The following VGLL4 variants were observed in gnomAD, a reference collection of about 807,000 sequenced individuals.
VGLL4 encodes the protein vestigial like family member 4.
Under a neutral mutation model 21.0 loss-of-function variants are expected in VGLL4, and 7 were observed. That is an observed-to-expected ratio of 0.33 (90% confidence interval 0.19 to 0.63). VGLL4 has a LOEUF of 0.63. VGLL4 is among the 20% of genes least tolerant of loss of function. The probability of loss-of-function intolerance (pLI) is 0.78; values close to 1 mark genes in which losing one functional copy is unlikely to be tolerated. For missense variants in VGLL4, 394 were observed against 425.7 expected (o/e 0.93, Z 0.66); for synonymous variants, 222 against 173.2 (o/e 1.28, Z -2.21).
intron 2 of VGLL4, among the ~76,000 whole-genome samples, chr3:11,649,047 T>G (rs1338480535): frequency 6.6e-6 from 1 of 152,192 alleles, no homozygotes; most frequent in African/African-American, 2.4e-5. Flanking sequence ...GAAAATAAGA[T>G]TTGAAGAGTT....
intron 2 of VGLL4, among the ~76,000 whole-genome samples, chr3:11,654,834 A>C (rs1328481231): frequency 6.6e-6 from 1 of 152,232 alleles, no homozygotes; most frequent in African/African-American, 2.4e-5. Context: ...CAGGTGGTTT[A>C]GATTTTATTT....
intron 2 of VGLL4, among the ~76,000 whole-genome samples, chr3:11,674,161 G>C (rs879326637): frequency 3.9e-5 from 6 of 151,910 alleles, no homozygotes; most frequent in Non-Finnish European, 7.4e-5. Flanking sequence ...TCAATCCAAT[G>C]AGAATGGAGA....
chr3:11,619,171 C>G (rs1384529962), intron 1 of VGLL4, among the ~76,000 whole-genome samples: 9 of 152,210 alleles, frequency 5.9e-5, no homozygotes, highest in Admixed American at 4.6e-4. Flanking sequence ...GCTTGCCCTG[C>G]ACTTCAAAGG....
chr3:11,558,776 C>T lies in VGLL4; in HGVS notation c.671G>A (p.Gly224Asp), dbSNP rs1215813705. ...CGGCTCGGGCTCCTTGTAATTCTTG[C>T]CCAGGCTCCTGCGGAAATGCTCCTC... The part of the protein sequence containing the change: ...VVEEHFRRSL[G>D]KNYKEPEPAP... The change falls in exon 5 of 5, where the codon GGC (glycine) becomes GAC (aspartate). Residue 224 changes from glycine (G) to aspartate (D), a missense_variant. By Grantham distance (94) the Gly-to-Asp change is moderately conservative. Transcript: ENST00000430365. 3.7e-6 allele frequency: 6 copies of T among 1,614,006 alleles called. No individual in the cohort carries two copies. The highest frequency in any genetic ancestry group is 5.1e-6 in the Non-Finnish European group (6 of 1,179,994).
At chr3:11,711,450 G>T (rs2125413481) in intron 1 of VGLL4, among the ~76,000 whole-genome samples, 1 of 152,126 alleles carries the variant, frequency 6.6e-6, no homozygotes, top group Non-Finnish European at 1.5e-5. Flanking sequence ...TGTGGTCCCA[G>T]CTACTCGGGA....
intron 2 of VGLL4, among the ~76,000 whole-genome samples, chr3:11,595,446 G>C (rs1412534793): frequency 2.0e-5 from 3 of 152,152 alleles, no homozygotes; most frequent in Non-Finnish European, 4.4e-5. Context: ...CAGGGATCTA[G>C]AACTAGAAAT....
chr3:11,645,189 G>GAA (rs34717985), upstream of VGLL4, among the ~76,000 whole-genome samples: 3 of 54,764 alleles, frequency 5.5e-5, no homozygotes, highest in South Asian at 1.4e-3. Flanking sequence ...TAACAAAATA[G>GAA]AAAAAAAAAA....
chr3:11,713,135 T>C (rs62245824), intron 1 of VGLL4, among the ~76,000 whole-genome samples: 11,788 of 152,190 alleles, frequency 0.077, 553 homozygotes, highest in South Asian at 0.17. Context: ...TTCACCATGC[T>C]CAGGAAGACC....
intron 2 of VGLL4, among the ~76,000 whole-genome samples, chr3:11,678,894 A>G (rs1349749143): frequency 6.6e-6 from 1 of 152,192 alleles, no homozygotes; most frequent in African/African-American, 2.4e-5. Flanking sequence ...TAAGGCTATA[A>G]AGAGCTAAAA....
intron 1 of VGLL4, chr3:11,626,465 G>A: frequency 4.4e-6 from 2 of 453,420 alleles, no homozygotes; most frequent in South Asian, 3.1e-5. Flanking sequence ...AGTTGTTTTG[G>A]TTTTTTCTCA....
At chr3:11,651,058 G>T (rs528276713) in intron 2 of VGLL4, among the ~76,000 whole-genome samples, 19 of 152,084 alleles carry the variant, frequency 1.2e-4, no homozygotes, top group Non-Finnish European at 2.5e-4. Flanking sequence ...ATAGAAAAGG[G>T]TTTAAGGGAC....
chr3:11,702,851 A>C, intron 2 of VGLL4: 1 of 909,170 alleles, frequency 1.1e-6, no homozygotes, highest in Non-Finnish European at 1.5e-6. Context: ...AAGGAAAACC[A>C]CCAAAATTAA....
At chr3:11,589,284 G>A (rs1264826546) in intron 2 of VGLL4, among the ~76,000 whole-genome samples, 1 of 152,136 alleles carries the variant, frequency 6.6e-6, no homozygotes, top group African/African-American at 2.4e-5. Context: ...TATGGAGGCG[G>A]GGAGAGGTAG....
chr3:11,562,942 G>A (rs927445130), intron 3 of VGLL4, among the ~76,000 whole-genome samples: 2 of 152,254 alleles, frequency 1.3e-5, no homozygotes, highest in South Asian at 2.1e-4. Flanking sequence ...CCCTTGCCAC[G>A]TGTGCCGTGG....
At position 11,671,002 on chromosome 3, in the gene VGLL4, A is replaced by G. The variant is rs181242090; in HGVS notation, c.64+31969T>C. 3.6e-3 allele frequency among the ~76,000 whole-genome samples: 543 copies of G among 152,270 alleles called. 2 individuals are homozygous for G. The highest frequency in any genetic ancestry group is 5.6e-3 in the Non-Finnish European group (378 of 68,012). On this transcript the variant is annotated intron_variant, in intron 2 of 5. Coordinates refer to the VGLL4 transcript ENST00000273038. ...CAGTGAGCTGAGATCGTGCCATTGC[A>G]CTCCAGCCTGGACGACAGAGATTCC... is the stretch of plus-strand genomic sequence containing the variant.
chr3:11,649,518 C>A (rs527896625), intron 2 of VGLL4, among the ~76,000 whole-genome samples: 9 of 152,242 alleles, frequency 5.9e-5, no homozygotes, highest in Middle Eastern at 6.8e-3. Context: ...AGCAGCAACA[C>A]AATGAAATAA....
intron 1 of VGLL4, among the ~76,000 whole-genome samples, chr3:11,706,309 C>T (rs1271956202): frequency 6.6e-6 from 1 of 152,184 alleles, no homozygotes; most frequent in Non-Finnish European, 1.5e-5. Flanking sequence ...CTGCTGCAAC[C>T]TTATTAATGA....
intron 2 of VGLL4, among the ~76,000 whole-genome samples, chr3:11,579,803 T>A (rs1427843385): frequency 1.3e-5 from 2 of 152,080 alleles, no homozygotes; most frequent in Non-Finnish European, 2.9e-5. Flanking sequence ...TTGAATTAAA[T>A]TAAAATTACC....
intron 2 of VGLL4, among the ~76,000 whole-genome samples, chr3:11,589,837 C>T (rs143803946): frequency 1.3e-5 from 2 of 152,162 alleles, no homozygotes; most frequent in Non-Finnish European, 1.5e-5. Flanking sequence ...GGGCACTAAT[C>T]CTAACAGACC....
Sources: gnomAD v4.1 joint callset for allele counts (sites outside exome capture counted in the v4.1 genomes callset) on GRCh38, gnomAD v4.1.1 for gene constraint, MANE v1.5 for transcripts, NCBI Gene and HGNC (gene_info 2026-07-23, HGNC 2026-07-21) for gene names.